The following PKNOX2 variants were observed in gnomAD, a reference collection of about 807,000 sequenced individuals.
The protein encoded by PKNOX2 is PBX/knotted 1 homeobox 2, also known as homeobox protein PKNOX2.
Under a neutral mutation model 53.1 loss-of-function variants are expected in PKNOX2, and 14 were observed. The ratio of observed to expected loss-of-function variants is 0.26; its 90% CI spans 0.17 to 0.41. The LOEUF is 0.41. Among genes scored for constraint, PKNOX2 ranks in the 10% least tolerant of loss-of-function variants. PKNOX2 has a pLI of 1.00. For synonymous variants in PKNOX2, 257 were observed against 242.8 expected (o/e 1.06, Z -0.54); for missense variants, 496 against 602.8 (o/e 0.82, Z 1.85).
chr11:125,410,825 G>A lies in PKNOX2; in HGVS notation c.765G>A (p.Gln255=). The A allele has an allele frequency of 1.2e-6, 2 of 1,614,132 alleles. No homozygotes were observed. The highest frequency in any genetic ancestry group is 8.5e-7 in the Non-Finnish European group (1 of 1,180,000). ...TTACCATGGTAACCTCCCAGGGTCA[G>A]GTGGTCACCCAAGCAATCCCCCAGG... is the stretch of plus-strand genomic sequence containing the variant. ...QPVTMVTSQG[Q]VVTQAIPQGA... Residue 255 remains glutamine (Q), a synonymous_variant, in exon 9 of 13, where the codon CAG becomes CAA. Coordinates refer to ENST00000298282, the MANE Select transcript of PKNOX2 (RefSeq NM_001382323.2).
chr11:125,383,289 G>A (rs1477910427), intron 5 of PKNOX2, among the ~76,000 whole-genome samples: 1 of 152,002 alleles, frequency 6.6e-6, no homozygotes, highest in Non-Finnish European at 1.5e-5. Context: ...TGTGCTGGAG[G>A]GGAGACCATT....
At chr11:125,325,035 G>A (rs920721430) in intron 2 of PKNOX2, among the ~76,000 whole-genome samples, 1 of 152,204 alleles carries the variant, frequency 6.6e-6, no homozygotes, top group Non-Finnish European at 1.5e-5. Context: ...CCCCAAATAA[G>A]AAAATCCTGC....
chr11:125,410,340 T>G lies in PKNOX2; in HGVS notation c.718+15T>G. 1 of 1,613,412 alleles carries G rather than the reference T, an allele frequency of 6.2e-7. No individual in the cohort carries two copies. The highest frequency in any genetic ancestry group is 1.1e-5 in the South Asian group (1 of 91,036). On this transcript the variant is annotated intron_variant, in intron 8 of 12. Coordinates refer to ENST00000298282, the MANE Select transcript of PKNOX2 (RefSeq NM_001382323.2). The stretch of plus-strand genomic sequence containing the variant: ...AGTTGTGTCAGGTCGGTGCAAAGAC[T>G]GGGAAGGGTGATTGTGGGAATTCCC...
intron 1 of PKNOX2, among the ~76,000 whole-genome samples, chr11:125,195,565 C>T (rs759573007): frequency 3.3e-5 from 5 of 151,810 alleles, no homozygotes; most frequent in Admixed American, 6.6e-5. Flanking sequence ...TCTGAAGAAC[C>T]GAAAGAACTG....
chr11:125,430,079 C>T lies in PKNOX2; in HGVS notation c.1130C>T (p.Pro377Leu). The T allele has an allele frequency of 6.2e-7, 1 of 1,614,118 alleles. No homozygotes were observed. Among genetic ancestry groups the T allele is most frequent in the Non-Finnish European group, 8.5e-7 (1 of 1,180,018 alleles). Residue 377 changes from proline to leucine, a missense_variant, in exon 12 of 13, where the codon CCC becomes CTC. By Grantham distance (98) the Pro-to-Leu change is moderately conservative. Coordinates refer to ENST00000298282, the MANE Select transcript of PKNOX2 (RefSeq NM_001382323.2). The part of the protein sequence containing the change: ...SQHRPTQRFW[P>L]NSIAAGVLQQ... Reference sequence around the variant, plus strand: ...CACCGGCCCACCCAAAGATTCTGGCCCAACTCCATCGCTGCGGGGGTGCTG... The same window carrying T: ...CACCGGCCCACCCAAAGATTCTGGCTCAACTCCATCGCTGCGGGGGTGCTG...
At chr11:125,358,060 G>T (rs1951715215) in intron 4 of PKNOX2, among the ~76,000 whole-genome samples, 1 of 152,092 alleles carries the variant, frequency 6.6e-6, no homozygotes, top group African/African-American at 2.4e-5. Flanking sequence ...GTCTCACGAG[G>T]CTGTTGAGAG....
chr11:125,342,467 C>T (rs1388510528), intron 3 of PKNOX2, among the ~76,000 whole-genome samples: 1 of 152,240 alleles, frequency 6.6e-6, no homozygotes, highest in East Asian at 1.9e-4. Context: ...CTCCTGACTG[C>T]CTCAGAGAAG....
At chr11:125,208,943 A>G (rs1290648384) in intron 1 of PKNOX2, among the ~76,000 whole-genome samples, 1 of 151,848 alleles carries the variant, frequency 6.6e-6, no homozygotes, top group African/African-American at 2.4e-5. Context: ...GCTGCACTGG[A>G]GTTGTGGGGC....
At chr11:125,257,940 A>G (rs1471131336) in intron 2 of PKNOX2, among the ~76,000 whole-genome samples, 2 of 152,102 alleles carry the variant, frequency 1.3e-5, no homozygotes, top group Admixed American at 6.5e-5. Context: ...GGAATTTGTT[A>G]ACCTGCCTTC....
chr11:125,390,779 C>A (rs895678821), intron 6 of PKNOX2, among the ~76,000 whole-genome samples: 1 of 152,256 alleles, frequency 6.6e-6, no homozygotes, highest in Admixed American at 6.5e-5. Flanking sequence ...TTCCCAAATT[C>A]TGAGGCCATC....
chr11:125,218,950 T>C (rs950931515), intron 1 of PKNOX2, among the ~76,000 whole-genome samples: 1 of 152,220 alleles, frequency 6.6e-6, no homozygotes, highest in African/African-American at 2.4e-5. Flanking sequence ...GTTTTCCAAC[T>C]GGCTTTCCTC....
chr11:125,361,951 G>A (rs538953083), intron 4 of PKNOX2, among the ~76,000 whole-genome samples: 11 of 152,332 alleles, frequency 7.2e-5, no homozygotes, highest in East Asian at 1.9e-4. Flanking sequence ...AGCCACCTTC[G>A]ATTAATAAAC....
chr11:125,414,978 T>C (rs890771095), intron 10 of PKNOX2, among the ~76,000 whole-genome samples: 1 of 152,194 alleles, frequency 6.6e-6, no homozygotes, highest in Non-Finnish European at 1.5e-5. Context: ...CTACTGATTT[T>C]ACTATCATTT....
intron 2 of PKNOX2, among the ~76,000 whole-genome samples, chr11:125,267,328 G>A (rs1017041673): frequency 1.3e-5 from 2 of 152,200 alleles, no homozygotes; most frequent in Non-Finnish European, 2.9e-5. Flanking sequence ...GTGAATGGAA[G>A]GGTCAGGAAG....
rs190350764 is a variant in PKNOX2, at chr11:125,378,060, C to A, written c.228-7491C>A. On this transcript the variant is annotated intron_variant, in intron 5 of 12. Transcript: ENST00000298282. ...GACCATCTGCGGTAAACAGATGCCC[C>A]AGGAAGGGGTTAGGGGTCTGTTTGG... 1.1e-3 allele frequency among the ~76,000 whole-genome samples: 174 copies of A among 152,336 alleles called. 1 individual carries two copies. Among genetic ancestry groups the A allele is most frequent in the African/African-American group, 4.0e-3 (166 of 41,578 alleles).
chr11:125,392,257 A>G (rs1032404954), intron 6 of PKNOX2, among the ~76,000 whole-genome samples: 1 of 152,252 alleles, frequency 6.6e-6, no homozygotes, highest in Non-Finnish European at 1.5e-5. Flanking sequence ...TTTTACACGT[A>G]AAGAGACTGA....
At chr11:125,389,721 C>A (rs942144602) in intron 6 of PKNOX2, among the ~76,000 whole-genome samples, 1 of 152,174 alleles carries the variant, frequency 6.6e-6, no homozygotes. Context: ...GGTGCAGGGC[C>A]AAGGTTTTAT....
chr11:125,350,947 C>A (rs931693006), intron 3 of PKNOX2, among the ~76,000 whole-genome samples: 1 of 152,100 alleles, frequency 6.6e-6, no homozygotes, highest in Non-Finnish European at 1.5e-5. Context: ...GCCTCCAGTC[C>A]CCCGGTGCTG....
chr11:125,268,111 A>T (rs911188869), intron 2 of PKNOX2, among the ~76,000 whole-genome samples: 3 of 152,246 alleles, frequency 2.0e-5, no homozygotes, highest in Middle Eastern at 3.2e-3. Context: ...GAGCAAGGAC[A>T]CAGCGGGCCC....
Sources: allele counts gnomAD v4.1 joint callset (sites outside exome capture counted in the v4.1 genomes callset), GRCh38; gene constraint gnomAD v4.1.1; transcripts MANE v1.5; gene names NCBI Gene and HGNC (gene_info 2026-07-23, HGNC 2026-07-21).